CRB1: variants seen among roughly 807,000 people sequenced by gnomAD.
The protein encoded by CRB1 is crumbs cell polarity complex component 1.
In CRB1, 83 loss-of-function variants were observed where a neutral mutation model predicts 120.0. The observed-to-expected ratio is 0.69, with a 90% CI of 0.58 to 0.83. CRB1 has a LOEUF of 0.83. Ranked by LOEUF, CRB1 falls within the 40% of genes least tolerant of loss-of-function variation. CRB1 has a pLI of 0.00. For synonymous variants in CRB1, 625 were observed against 612.5 expected, an observed-to-expected ratio of 1.02 and a Z score of -0.30; for missense variants, 1,699 against 1,687.6, an observed-to-expected ratio of 1.01 and a Z score of -0.12.
chr1:197,473,280 A>T (rs1184602157), intron 11 of CRB1, among the ~76,000 whole-genome samples: 1 of 152,198 alleles, frequency 6.6e-6, no homozygotes, highest in East Asian at 1.9e-4. Flanking sequence ...AACAAGATGA[A>T]ATTTCTTTTC....
At chr1:197,328,340 G>A in intron 1 of CRB1, 82 bp from the exon 2 acceptor site, 3 of 1,128,912 alleles carry the variant, frequency 2.7e-6, no homozygotes, top group Non-Finnish European at 1.3e-6. Context: ...TTTGGTTGAG[G>A]CAGCACAAAG....
chr1:197,356,913 G>C lies in CRB1; in HGVS notation c.1071G>C (p.Leu357=). The change falls in exon 5 of 12, where the codon CTG becomes CTC. Residue 357 remains leucine, a synonymous_variant. Coordinates refer to ENST00000367400, the MANE Select transcript of CRB1 (RefSeq NM_201253.3). ...AGTCCAATGGGGAATGTGTGGAGCTGTCCTCAGAGAAACAATATGGACGCA... is the reference window on the plus strand; with the variant it reads ...AGTCCAATGGGGAATGTGTGGAGCTCTCCTCAGAGAAACAATATGGACGCA... ...PCQSNGECVE[L]SSEKQYGRIT... is the part of the protein sequence containing the mutation. 1.9e-6 allele frequency: 3 copies of C among 1,614,200 alleles called. 1 individual carries two copies. The highest frequency in any genetic ancestry group is 8.5e-7 in the Non-Finnish European group (1 of 1,180,024).
intron 1 of CRB1, among the ~76,000 whole-genome samples, chr1:197,326,007 A>AGAAAAGACT (rs1356900889): frequency 1.3e-5 from 2 of 152,228 alleles, no homozygotes; most frequent in African/African-American, 4.8e-5. Flanking sequence ...GTAAATCTTA[A>AGAAAAGACT]GAAAAGACTG....
rs369004768 is a variant in CRB1, at chr1:197,324,382, G to A, written c.71-4040G>A. Among the ~76,000 whole-genome samples, 37 of 152,208 alleles carry A rather than the reference G, an allele frequency of 2.4e-4. No individual in the cohort carries two copies. In the East Asian group the frequency reaches 5.4e-3, roughly 22 times the overall value. On this transcript the variant is annotated intron_variant, in intron 1 of 11. Transcript: ENST00000367400. Reference sequence around the variant, plus strand: ...CTGCTAGTCAATAGACAAATAATAAGATATATGTACTTTGGACCCTGCATT... The same window carrying A: ...CTGCTAGTCAATAGACAAATAATAAAATATATGTACTTTGGACCCTGCATT...
rs189082600 is a variant in CRB1, at chr1:197,446,988, T to C, written c.4005+4696T>C. Among the ~76,000 whole-genome samples, 278 of 152,342 alleles carry C rather than the reference T, an allele frequency of 1.8e-3. 4 individuals carry two copies. Among genetic ancestry groups the C allele is most frequent in the Admixed American group, 0.016 (252 of 15,306 alleles). On this transcript the variant is annotated intron_variant, in intron 11 of 11. Coordinates refer to ENST00000367400, the MANE Select transcript of CRB1 (RefSeq NM_201253.3). ...ATTGAGTGTTATATTCCATTCTTTG[T>C]ATATGTAATCCATTTGTATTATTTA...
At chr1:197,433,587 G>A (rs1218524888) in intron 8 of CRB1, among the ~76,000 whole-genome samples, 1 of 152,060 alleles carries the variant, frequency 6.6e-6, no homozygotes, top group Non-Finnish European at 1.5e-5. Context: ...AGTTTTGCTG[G>A]TAAAGAAAAT....
chr1:197,219,585 A>G, the CRB1 span, among the ~76,000 whole-genome samples: 1 of 152,244 alleles, frequency 6.6e-6, no homozygotes, highest in Admixed American at 6.5e-5. Flanking sequence ...AGAGATTGAG[A>G]AACTTGTCCA....
upstream of CRB1, among the ~76,000 whole-genome samples, chr1:197,265,859 T>C (rs1219586065): frequency 6.6e-6 from 1 of 152,136 alleles, no homozygotes; most frequent in East Asian, 1.9e-4. Context: ...TTCTGTGCTT[T>C]CCATCTGCCC....
the CRB1 span, among the ~76,000 whole-genome samples, chr1:197,237,301 C>A: frequency 6.6e-6 from 1 of 152,082 alleles, no homozygotes; most frequent in South Asian, 2.1e-4. Context: ...AAATTTATTT[C>A]TTACAGTTCT....
chr1:197,424,522 G>C (rs1282147273), intron 6 of CRB1, among the ~76,000 whole-genome samples: 1 of 152,062 alleles, frequency 6.6e-6, no homozygotes, highest in East Asian at 1.9e-4. Flanking sequence ...GAATATATTT[G>C]CTTCTTTGTA....
chr1:197,285,325 C>T (rs1341541583), intron 1 of CRB1, among the ~76,000 whole-genome samples: 1 of 151,576 alleles, frequency 6.6e-6, no homozygotes, highest in African/African-American at 2.4e-5. Context: ...ATGATGGGGA[C>T]AGAAATAAGG....
the CRB1 span, among the ~76,000 whole-genome samples, chr1:197,254,711 A>G: frequency 2.0e-5 from 3 of 152,114 alleles, no homozygotes; most frequent in Non-Finnish European, 4.4e-5. Context: ...ATAATTTCTG[A>G]AGGCAATTAT....
Position 197,453,269 on chromosome 1 carries a change from GTA to G in CRB1, c.4005+10992_4005+10993del, listed in dbSNP as rs970307413. On this transcript the variant is annotated intron_variant, in intron 11 of 11. Transcript: ENST00000367400. ...TAAATAAGTATGTGTGTATACTTGT[GTA>G]TATATATATATATAATTAAATTAGT... 1.4e-4 allele frequency among the ~76,000 whole-genome samples: 20 copies of G among 142,934 alleles called. No individual in the cohort carries two copies. The East Asian group carries it at 2.0e-3, about 14-fold the overall frequency. 93.8% of individuals were successfully genotyped at this position (142,934 alleles called of 152,430 possible).
rs537536060 is a variant in CRB1 at position 197,318,901 on chromosome 1, G to A, written c.71-9521G>A. On this transcript the variant is annotated intron_variant, in intron 1 of 11. Transcript: ENST00000367400. ...GTGCAAAGTTATAGTTACACAGGAGGATAAGTTCTGGTGTTCTGTTGAATA... is the reference window on the plus strand; with the variant it reads ...GTGCAAAGTTATAGTTACACAGGAGAATAAGTTCTGGTGTTCTGTTGAATA... Among the ~76,000 whole-genome samples, 3 of 152,140 alleles carry A rather than the reference G, an allele frequency of 2.0e-5. No individual in the cohort carries two copies. The East Asian group carries it at 5.8e-4, about 30-fold the overall frequency.
intron 11 of CRB1, among the ~76,000 whole-genome samples, chr1:197,459,973 G>A (rs1257519679): frequency 1.2e-5 from 1 of 86,296 alleles, no homozygotes; most frequent in African/African-American, 3.8e-5. Context: ...GCATAGTTTT[G>A]TTAGTAAGTC....
At chr1:197,447,540 C>T (rs565347144) in intron 11 of CRB1, 2 of 152,264 alleles carry the variant, frequency 1.3e-5, no homozygotes, top group South Asian at 4.1e-4. Flanking sequence ...ATGGGGGGTT[C>T]ACTTAAAAGG....
In CRB1 at chr1:197,420,987, T is replaced by C; in HGVS notation, c.1172-13T>C. On this transcript the variant is annotated splice_polypyrimidine_tract_variant and intron_variant, in intron 5 of 11. Coordinates refer to ENST00000367400, the MANE Select transcript of CRB1 (RefSeq NM_201253.3). ...AATATATATAATTTTAGCCCTTTTT[T>C]ATTATTTAACAGGAATCCACTGCGA... The C allele has an allele frequency of 6.9e-7, 1 of 1,458,180 alleles. No individual in the cohort carries two copies. The highest frequency in any genetic ancestry group is 9.6e-7 in the Non-Finnish European group (1 of 1,038,082). 90.3% of individuals were successfully genotyped at this position (1,458,180 alleles called of 1,614,324 possible).
intron 5 of CRB1, among the ~76,000 whole-genome samples, chr1:197,386,050 G>A (rs1662200530): frequency 6.6e-6 from 1 of 151,820 alleles, no homozygotes; most frequent in Admixed American, 6.6e-5. Flanking sequence ...CATATGTCTA[G>A]GGGCTAAAAC....
chr1:197,260,872 T>G, the CRB1 span, among the ~76,000 whole-genome samples: 1 of 152,066 alleles, frequency 6.6e-6, no homozygotes, highest in Non-Finnish European at 1.5e-5. Context: ...AATTTTTGTA[T>G]TTTTAGTAGA....
Sources: allele counts gnomAD v4.1 joint callset (sites outside exome capture counted in the v4.1 genomes callset), GRCh38; gene constraint gnomAD v4.1.1; transcripts MANE v1.5; gene names NCBI Gene and HGNC (gene_info 2026-07-23, HGNC 2026-07-21).